Variants in TRIM5 observed in about 807,000 individuals in gnomAD.
The protein encoded by TRIM5 is tripartite motif-containing protein 5.
Under a neutral mutation model 35.6 loss-of-function variants are expected in TRIM5, and 31 were observed. The ratio of observed to expected loss-of-function variants is 0.87; its 90% confidence interval spans 0.65 to 1.18. The LOEUF (loss-of-function observed/expected upper bound fraction) is 1.18, where lower values mean the gene tolerates loss of function less well. Ranked by LOEUF, TRIM5 falls within the 50% of genes most tolerant of loss-of-function variation. The pLI is 0.00. For synonymous variants in TRIM5, 243 were observed against 215.6 expected, an observed-to-expected ratio of 1.13 and a Z score of -1.11; for missense variants, 609 against 591.6, an observed-to-expected ratio of 1.03 and a Z score of -0.31.
chr11:5,596,681 G>C, the TRIM5 span: 9 of 666,826 alleles, frequency 1.3e-5, no homozygotes, highest in Non-Finnish European at 2.0e-5. Flanking sequence ...CTGACCTGTG[G>C]GTCCGTCCGT....
chr11:5,675,971 G>A (rs1360852070), intron 4 of TRIM5, among the ~76,000 whole-genome samples: 6 of 123,390 alleles, frequency 4.9e-5, no homozygotes, highest in Non-Finnish European at 5.5e-5. Flanking sequence ...TTGTTCTTGC[G>A]ATAGTTTACT....
chr11:5,605,477 G>C, the TRIM5 span: 1 of 1,614,222 alleles, frequency 6.2e-7, no homozygotes, highest in South Asian at 1.1e-5. Flanking sequence ...AAGAGGCTGA[G>C]AATGATCTGG....
At position 5,669,339 on chromosome 11, in the gene TRIM5, C is replaced by G. The variant is rs536698426; in HGVS notation, c.745-1628G>C. On this transcript the variant is annotated intron_variant, in intron 4 of 7. Transcript: ENST00000380034. ...AGGCGATCCGCCTGCCTCAGCCTCC[C>G]TAAGTGCTGGGATTACAGGCGTGAG... is the stretch of plus-strand genomic sequence containing the variant. 1.9e-4 allele frequency among the ~76,000 whole-genome samples: 29 copies of G among 152,246 alleles called. No individual in the cohort carries two copies. In the East Asian group the frequency reaches 5.4e-3, roughly 28 times the overall value.
At chr11:5,661,154 ATCAAGGAGCTCAGAAC>A (rs1850810639), downstream of TRIM5, among the ~76,000 whole-genome samples, 1 of 150,330 alleles carries the variant, frequency 6.7e-6, no homozygotes, top group Non-Finnish European at 1.5e-5. Flanking sequence ...ACTGAATAGG[ATCAAGGAGCTCAGAAC>A]ATAATTGTTA....
chr11:5,615,482 C>T, the TRIM5 span, among the ~76,000 whole-genome samples: 1 of 151,958 alleles, frequency 6.6e-6, no homozygotes, highest in African/African-American at 2.4e-5. Context: ...ACCCCTTTCT[C>T]ATTATGGAAT....
At chr11:5,595,331 T>G in the TRIM5 span, 17 of 152,352 alleles carry the variant, frequency 1.1e-4, 1 homozygote, top group Admixed American at 1.1e-3. Context: ...CTCAATAAGC[T>G]TTACATGTAT....
chr11:5,683,178 G>A (rs1282851596), intron 1 of TRIM5, among the ~76,000 whole-genome samples: 1 of 152,218 alleles, frequency 6.6e-6, no homozygotes, highest in Non-Finnish European at 1.5e-5. Context: ...CCATGCCTGA[G>A]CCTCCCCACG....
At position 5,678,250 on chromosome 11, in the gene TRIM5, G is replaced by A. The variant is rs758095737; in HGVS notation, c.698C>T (p.Ser233Leu). ...QQTQSLRELI[S>L]DLEHRLQGSV... ...CCCCTGCAGCCGATGCTCCAGATCT[G>A]AGATGAGCTCTCTCAGGGACTGGGT... The change falls in exon 4 of 8, where the codon TCA becomes TTA. Residue 233 changes from serine to leucine, a missense_variant. Coordinates refer to ENST00000380034, the MANE Select transcript of TRIM5 (RefSeq NM_033034.3). The A allele has an allele frequency of 2.5e-6, 4 of 1,613,924 alleles. No homozygotes were observed. In the East Asian group the frequency reaches 6.7e-5, roughly 27 times the overall value.
chr11:5,666,221 C>T (rs1590226079), intron 5 of TRIM5, 140 bp from the exon 6 acceptor site: 5 of 745,724 alleles, frequency 6.7e-6, no homozygotes, highest in Non-Finnish European at 9.1e-6. Context: ...AGTGCAAACT[C>T]TTGACCCTGG....
At chr11:5,640,732 T>C in the TRIM5 span, among the ~76,000 whole-genome samples, 1 of 152,190 alleles carries the variant, frequency 6.6e-6, no homozygotes, top group Non-Finnish European at 1.5e-5. Flanking sequence ...ATATTATTTC[T>C]TTTTAAACCT....
the TRIM5 span, chr11:5,619,862 C>G: frequency 7.3e-6 from 1 of 137,540 alleles, no homozygotes; most frequent in Non-Finnish European, 1.6e-5. Context: ...ACCACCATGC[C>G]CGGCTAATTT....
intron 4 of TRIM5, among the ~76,000 whole-genome samples, chr11:5,672,939 A>G (rs1851683435): frequency 1.3e-5 from 2 of 152,218 alleles, no homozygotes; most frequent in Admixed American, 6.5e-5. Context: ...GCTGAAAAAG[A>G]GAAAAACTAA....
At chr11:5,595,430 G>C in the TRIM5 span, 19 of 152,246 alleles carry the variant, frequency 1.2e-4, no homozygotes, top group Middle Eastern at 3.4e-3. Flanking sequence ...ACATACATAC[G>C]TGTAATTTTA....
At chr11:5,668,733 T>A (rs189192032) in intron 4 of TRIM5, among the ~76,000 whole-genome samples, 1 of 152,266 alleles carries the variant, frequency 6.6e-6, no homozygotes, top group East Asian at 1.9e-4. Context: ...TACAGGCATG[T>A]GCCACGACAC....
chr11:5,627,248 C>T, the TRIM5 span, among the ~76,000 whole-genome samples: 3 of 151,862 alleles, frequency 2.0e-5, no homozygotes, highest in East Asian at 5.8e-4. Context: ...GGCGTTGTGG[C>T]AGGCACCTGT....
At chr11:5,606,177 T>C in the TRIM5 span, among the ~76,000 whole-genome samples, 31,433 of 152,202 alleles carry the variant, frequency 0.21, 3,449 homozygotes, top group Non-Finnish European at 0.24. Context: ...AGATGATGTA[T>C]TACCAGCCCT....
chr11:5,617,417 C>T, the TRIM5 span, among the ~76,000 whole-genome samples: 2 of 143,674 alleles, frequency 1.4e-5, 1 homozygote, highest in Non-Finnish European at 3.1e-5. Context: ...ATGAAGACAG[C>T]AACTGAGTTT....
the TRIM5 span, among the ~76,000 whole-genome samples, chr11:5,636,868 G>T: frequency 1.3e-5 from 2 of 152,060 alleles, no homozygotes; most frequent in African/African-American, 2.4e-5. Flanking sequence ...ATCTGTTGGC[G>T]GGGCGCGGTG....
At chr11:5,673,077 A>G (rs1409611594) in intron 4 of TRIM5, among the ~76,000 whole-genome samples, 2 of 152,196 alleles carry the variant, frequency 1.3e-5, no homozygotes, top group Non-Finnish European at 2.9e-5. Context: ...AAGTAAAACT[A>G]TATCAATAAT....
Sources: gnomAD v4.1 joint callset for allele counts (sites outside exome capture counted in the v4.1 genomes callset) on GRCh38, gnomAD v4.1.1 for gene constraint, MANE v1.5 for transcripts, NCBI Gene and HGNC (gene_info 2026-07-23, HGNC 2026-07-21) for gene names.